The following RBFOX1 variants were observed in gnomAD, a reference collection of about 807,000 sequenced individuals.
The protein encoded by RBFOX1 is RNA binding fox-1 homolog 1.
RBFOX1 carries 8 observed loss-of-function variants against 57.7 expected under a neutral mutation model. The ratio of observed to expected loss-of-function variants is 0.14; its 90% CI spans 0.08 to 0.25. The LOEUF (loss-of-function observed/expected upper bound fraction) is 0.25. RBFOX1 is among the 10% of genes least tolerant of loss of function. The pLI is 1.00. For missense variants in RBFOX1, 611 were observed against 548.5 expected (o/e 1.11, Z -1.14); for synonymous variants, 326 against 222.4 (o/e 1.47, Z -4.15).
chr16:6,636,871 A>G (rs1567982616), intron 2 of RBFOX1, among the ~76,000 whole-genome samples: 2 of 132,068 alleles, frequency 1.5e-5, no homozygotes, highest in South Asian at 4.4e-4. Flanking sequence ...TATATATTAT[A>G]TGTTTAATAT....
chr16:5,823,179 C>T (rs2055915702), intron 3 of RBFOX1, among the ~76,000 whole-genome samples: 1 of 152,182 alleles, frequency 6.6e-6, no homozygotes, highest in Admixed American at 6.5e-5. Flanking sequence ...ACATAGAGGG[C>T]AGTCGGATAC....
At chr16:6,697,259 T>G (rs2154138341) in intron 3 of RBFOX1, among the ~76,000 whole-genome samples, 1 of 152,278 alleles carries the variant, frequency 6.6e-6, no homozygotes, top group South Asian at 2.1e-4. Flanking sequence ...TTTTTAAATT[T>G]TCTGCATCTT....
At chr16:6,869,618 T>G (rs1486886947) in intron 3 of RBFOX1, among the ~76,000 whole-genome samples, 1 of 152,186 alleles carries the variant, frequency 6.6e-6, no homozygotes, top group Non-Finnish European at 1.5e-5. Flanking sequence ...AAAAATATAA[T>G]TGGAATCTGT....
At chr16:5,901,906 C>G (rs958552904) in intron 4 of RBFOX1, among the ~76,000 whole-genome samples, 1 of 152,180 alleles carries the variant, frequency 6.6e-6, no homozygotes, top group Admixed American at 6.5e-5. Flanking sequence ...CTTCAGACTC[C>G]TTTTGGAAGC....
intron 3 of RBFOX1, among the ~76,000 whole-genome samples, chr16:6,756,704 G>T (rs1269322952): frequency 6.6e-6 from 1 of 152,176 alleles, no homozygotes; most frequent in Admixed American, 6.5e-5. Context: ...GGGCCTGGTG[G>T]TTCACGCCTG....
chr16:7,253,787 A>G (rs146720625), intron 4 of RBFOX1, among the ~76,000 whole-genome samples: 18 of 152,282 alleles, frequency 1.2e-4, no homozygotes, highest in African/African-American at 3.6e-4. Flanking sequence ...CTGGGAGTTC[A>G]TGATGGGAAG....
intron 3 of RBFOX1, among the ~76,000 whole-genome samples, chr16:7,022,337 A>T (rs982353990): frequency 2.0e-5 from 3 of 151,458 alleles, no homozygotes; most frequent in Non-Finnish European, 4.4e-5. Context: ...GCAGGCATGA[A>T]CCACCACTGC....
intron 4 of RBFOX1, among the ~76,000 whole-genome samples, chr16:7,215,722 T>TG (rs1197623877): frequency 8.9e-5 from 11 of 122,936 alleles, no homozygotes; most frequent in African/African-American, 3.7e-4. Context: ...TGGCCTATTC[T>TG]GGATTTTTTT....
chr16:6,899,896 A>AT (rs897328671), intron 3 of RBFOX1, among the ~76,000 whole-genome samples: 7 of 152,166 alleles, frequency 4.6e-5, no homozygotes, highest in South Asian at 2.1e-4. Context: ...AATGAGAGAG[A>AT]TTTTTTTGCC....
At chr16:6,145,237 C>G (rs1337400516) in intron 1 of RBFOX1, among the ~76,000 whole-genome samples, 1 of 152,076 alleles carries the variant, frequency 6.6e-6, no homozygotes, top group Non-Finnish European at 1.5e-5. Flanking sequence ...CTCTATGTGT[C>G]CATGCATTCT....
chr16:5,783,667 T>G (rs2054400016), intron 3 of RBFOX1, among the ~76,000 whole-genome samples: 1 of 152,210 alleles, frequency 6.6e-6, no homozygotes, highest in Non-Finnish European at 1.5e-5. Flanking sequence ...CCAGGCACAT[T>G]TCCCTTGTTT....
chr16:5,848,300 C>G (rs1025672343), intron 3 of RBFOX1, among the ~76,000 whole-genome samples: 2 of 152,170 alleles, frequency 1.3e-5, no homozygotes, highest in African/African-American at 4.8e-5. Context: ...TGGACTCTAT[C>G]CCCTATATGG....
rs946346975 is a variant in RBFOX1, at chr16:5,284,311, C to G, written c.219+44206C>G. ...TAATACACCCGTGTTCCTTTTTTCC[C>G]TCATTATTTATGGTTGCAGTTTGGT... On this transcript the variant is annotated intron_variant, in intron 1 of 2. Transcript: ENST00000585867. 1.2e-4 allele frequency among the ~76,000 whole-genome samples: 18 copies of G among 152,048 alleles called. No individual in the cohort carries two copies. In the East Asian group the frequency reaches 2.3e-3, roughly 20 times the overall value.
At chr16:5,871,023 T>C (rs2057456745) in intron 4 of RBFOX1, among the ~76,000 whole-genome samples, 1 of 152,222 alleles carries the variant, frequency 6.6e-6, no homozygotes, top group Non-Finnish European at 1.5e-5. Context: ...TCTCTGCAGA[T>C]TGACAGTGAA....
At chr16:7,398,643 CAG>C (rs897475027) in intron 4 of RBFOX1, among the ~76,000 whole-genome samples, 5 of 152,190 alleles carry the variant, frequency 3.3e-5, no homozygotes, top group African/African-American at 7.2e-5. Context: ...AGGAGACTGC[CAG>C]AGAGGCAATT....
chr16:6,658,499 A>T (rs781356822), intron 3 of RBFOX1, among the ~76,000 whole-genome samples: 4 of 151,972 alleles, frequency 2.6e-5, no homozygotes, highest in Non-Finnish European at 5.9e-5. Flanking sequence ...GAGCCACCAC[A>T]CCCGGCCGAG....
intron 2 of RBFOX1, among the ~76,000 whole-genome samples, chr16:6,562,143 G>A (rs2153916812): frequency 6.6e-6 from 1 of 152,312 alleles, no homozygotes. Flanking sequence ...GTTCAAGATA[G>A]TTCATGGGTA....
chr16:5,645,828 G>T (rs1378630990), intron 3 of RBFOX1, among the ~76,000 whole-genome samples: 2 of 152,074 alleles, frequency 1.3e-5, no homozygotes, highest in Non-Finnish European at 2.9e-5. Flanking sequence ...ACCACATCTG[G>T]CTAATTTTTT....
chr16:7,066,485 C>T (rs547009258), intron 4 of RBFOX1, among the ~76,000 whole-genome samples: 1 of 152,192 alleles, frequency 6.6e-6, no homozygotes, highest in South Asian at 2.1e-4. Flanking sequence ...TGGAAAATGC[C>T]TCCCCTGGTT....
Sources: gnomAD v4.1 joint callset for allele counts (sites outside exome capture counted in the v4.1 genomes callset) on GRCh38, gnomAD v4.1.1 for gene constraint, MANE v1.5 for transcripts, NCBI Gene and HGNC (gene_info 2026-07-23, HGNC 2026-07-21) for gene names.